ARVCF: variants seen among roughly 807,000 people sequenced by gnomAD.
The protein encoded by ARVCF is splicing regulator ARVCF.
A neutral mutation model predicts 90.9 loss-of-function variants in ARVCF; 66 were observed. The ratio of observed to expected loss-of-function variants is 0.73; its 90% CI spans 0.60 to 0.89. The LOEUF is 0.89. ARVCF is among the 40% of genes least tolerant of loss of function. ARVCF has a pLI of 0.00. For synonymous variants in ARVCF, 653 were observed against 603.4 expected (o/e 1.08, Z -1.21); for missense variants, 1,469 against 1,382.3 (o/e 1.06, Z -1.00).
intron 3 of ARVCF, among the ~76,000 whole-genome samples, chr22:19,983,404 G>A (rs1039120648): frequency 6.6e-6 from 1 of 152,252 alleles, no homozygotes; most frequent in African/African-American, 2.4e-5. Flanking sequence ...GCTGCCCTCA[G>A]GACCTGCCTG....
Position 19,973,630 on chromosome 22 carries a change from CAGGCGTCCTCACCGATG to C in ARVCF, c.2235_2239+12del. ...GTTCGGTGCCCAGGCGTGGGCTTTG[CAGGCGTCCTCACCGATG>C]AGGTCTTTGTTGCGCCGGTCCAGCG... On this transcript the variant is annotated splice_donor_variant and splice_donor_5th_base_variant and coding_sequence_variant and intron_variant, in exon 13 of 20. Coordinates refer to ENST00000263207, the MANE Select transcript of ARVCF (RefSeq NM_001670.3). LOFTEE classifies it high-confidence loss of function. 6.3e-7 allele frequency: 1 copy of C among 1,597,958 alleles called. No homozygotes were observed. Among genetic ancestry groups the C allele is most frequent in the Non-Finnish European group, 8.5e-7 (1 of 1,171,552 alleles).
At chr22:19,966,504 C>A (rs975992401), downstream of ARVCF, among the ~76,000 whole-genome samples, 8 of 147,296 alleles carry the variant, frequency 5.4e-5, no homozygotes, top group Non-Finnish European at 1.2e-4. Flanking sequence ...GCAGTGATGA[C>A]ATCATAGCTC....
chr22:20,006,718 G>A (rs779157420), intron 2 of ARVCF, among the ~76,000 whole-genome samples: 2 of 151,408 alleles, frequency 1.3e-5, no homozygotes, highest in African/African-American at 4.8e-5. Context: ...TGCAACTTCC[G>A]CCTCCTGGGT....
At chr22:20,000,787 C>A (rs1369838261) in intron 2 of ARVCF, among the ~76,000 whole-genome samples, 1 of 152,142 alleles carries the variant, frequency 6.6e-6, no homozygotes, top group African/African-American at 2.4e-5. Context: ...GCTGGTTTAC[C>A]CCTTCCACCA....
chr22:19,972,433 C>T (rs758993813), intron 16 of ARVCF, 22 bp from the exon 17 acceptor site: 224 of 1,612,944 alleles, frequency 1.4e-4, no homozygotes, highest in Admixed American at 8.5e-4. Flanking sequence ...GAGGAGGAGA[C>T]GGGCTGCATG....
chr22:19,970,408 C>T lies in ARVCF; in HGVS notation c.*348G>A, dbSNP rs1460056449. 3.8e-6 allele frequency: 4 copies of T among 1,051,544 alleles called. No individual in the cohort carries two copies. Among genetic ancestry groups the T allele is most frequent in the Non-Finnish European group, 4.6e-6 (4 of 866,420 alleles). The allele number at this position is 1,051,544 out of a possible 1,614,324, so 65.1% of individuals were successfully genotyped here. A position where few individuals can be genotyped will look rare whatever the true frequency, so the allele number is the denominator to read the frequency against. On this transcript the variant is annotated 3_prime_UTR_variant, in exon 20 of 20. Transcript: ENST00000263207. ...CTGGGGCACTGTGTTCCCAGGGGCA[C>T]CCTCCTATCCCACCAGCCCCAAAGC...
At chr22:19,968,848 C>A, downstream of ARVCF, 1 of 1,031,798 alleles carries the variant, frequency 9.7e-7, no homozygotes, top group Non-Finnish European at 1.5e-6. Context: ...ATGCAAAGCA[C>A]ACCTCGGCCG....
intron 1 of ARVCF, among the ~76,000 whole-genome samples, chr22:20,013,267 A>G (rs1944901885): frequency 6.6e-6 from 1 of 152,198 alleles, no homozygotes; most frequent in African/African-American, 2.4e-5. Flanking sequence ...CACAGACCAC[A>G]CCTGGGAAGG....
At chr22:20,001,153 T>C (rs2256984) in intron 2 of ARVCF, among the ~76,000 whole-genome samples, 138,483 of 152,066 alleles carry the variant, frequency 0.91, 63,602 homozygotes, top group Middle Eastern at 0.96. Context: ...CTAGGCAGAC[T>C]CCATTCCTGT....
intron 2 of ARVCF, among the ~76,000 whole-genome samples, chr22:20,000,275 C>T (rs1433307948): frequency 6.6e-6 from 1 of 152,240 alleles, no homozygotes; most frequent in East Asian, 1.9e-4. Context: ...GGGCACCGCT[C>T]ATCCCTTCCA....
At chr22:19,966,451 A>AG (rs1028190879), downstream of ARVCF, among the ~76,000 whole-genome samples, 8 of 151,330 alleles carry the variant, frequency 5.3e-5, no homozygotes, top group African/African-American at 2.0e-4. Context: ...AAAAAAAAAA[A>AG]AAAAGAAAAA....
chr22:19,973,586 C>T, intron 13 of ARVCF, 57 bp downstream of exon 13: 1 of 1,558,998 alleles, frequency 6.4e-7, no homozygotes, highest in Non-Finnish European at 8.7e-7. Context: ...TCCGATGGGA[C>T]CCCAAAGCTG....
chr22:20,007,171 G>C (rs1042846349), intron 2 of ARVCF, among the ~76,000 whole-genome samples: 2 of 152,132 alleles, frequency 1.3e-5, no homozygotes, highest in African/African-American at 4.8e-5. Context: ...GGCCGAGGCG[G>C]GAGGATCACC....
At chr22:19,971,789 G>A (rs1444688509) in intron 18 of ARVCF, 97 bp downstream of exon 18, 1 of 1,334,792 alleles carries the variant, frequency 7.5e-7, no homozygotes, top group Non-Finnish European at 1.1e-6. Context: ...TGTACCCCAG[G>A]GCCCAGACCA....
chr22:19,979,933 C>T lies in ARVCF; in HGVS notation c.1206G>A (p.Leu402=). Residue 402 remains leucine, a synonymous_variant, in exon 6 of 20, where the codon CTG becomes CTA. Transcript: ENST00000263207. ...VKRRVRQLRG[L]PLLVALLDHP... ...GGTCCAGCAGTGCCACAAGCAGCGG[C>T]AGCCCCCGCAACTGCCGTACACGCC... 1.3e-6 allele frequency: 2 copies of T among 1,595,064 alleles called. No homozygotes were observed. The highest frequency in any genetic ancestry group is 8.5e-7 in the Non-Finnish European group (1 of 1,171,566).
intron 3 of ARVCF, among the ~76,000 whole-genome samples, chr22:19,987,935 G>C (rs1943880228): frequency 6.6e-6 from 1 of 152,176 alleles, no homozygotes; most frequent in Non-Finnish European, 1.5e-5. Flanking sequence ...AAAAATGGGA[G>C]GGGAAGGGCC....
intron 1 of ARVCF, among the ~76,000 whole-genome samples, chr22:20,013,424 T>C (rs770001971): frequency 3.9e-5 from 6 of 152,092 alleles, no homozygotes; most frequent in Non-Finnish European, 8.8e-5. Context: ...GCACCAAGCA[T>C]GTTGGGGGTA....
At chr22:20,008,419 A>G (rs1247967336) in intron 2 of ARVCF, among the ~76,000 whole-genome samples, 5 of 152,076 alleles carry the variant, frequency 3.3e-5, no homozygotes, top group African/African-American at 9.7e-5. Context: ...TCCCCCTCCT[A>G]AGGGAGCCAT....
rs1452101209 is a variant in ARVCF at position 19,981,910 on chromosome 22, CCACT to C, written c.369+19_369+22del. 3 of 1,609,142 alleles carry C rather than the reference CCACT, an allele frequency of 1.9e-6. No homozygotes were observed. The highest frequency in any genetic ancestry group is 3.3e-5 in the Admixed American group (2 of 59,766). Reference sequence around the variant, plus strand: ...CAGCAGCCTGGCCCTGCTCACCCACCCACTGCCTGGGCCTGGCCATACCTTGGTC... The same window carrying C: ...CAGCAGCCTGGCCCTGCTCACCCACCGCCTGGGCCTGGCCATACCTTGGTC... On this transcript the variant is annotated intron_variant, in intron 4 of 19. Coordinates refer to ENST00000263207, the MANE Select transcript of ARVCF (RefSeq NM_001670.3).
Sources: gnomAD v4.1 joint callset for allele counts (sites outside exome capture counted in the v4.1 genomes callset) on GRCh38, gnomAD v4.1.1 for gene constraint, MANE v1.5 for transcripts, NCBI Gene and HGNC (gene_info 2026-07-23, HGNC 2026-07-21) for gene names.